SLC26A5: variants seen among roughly 807,000 people sequenced by gnomAD.
The protein encoded by SLC26A5 is prestin.
SLC26A5 carries 51 observed loss-of-function variants against 81.0 expected under a neutral mutation model. The observed-to-expected ratio is 0.63, with a 90% CI of 0.50 to 0.80. The LOEUF (loss-of-function observed/expected upper bound fraction) is 0.80. Among genes scored for constraint, SLC26A5 ranks in the 30% least tolerant of loss-of-function variants. SLC26A5 has a pLI of 0.00. For missense variants in SLC26A5, 771 were observed against 905.8 expected (o/e 0.85, Z 1.91); for synonymous variants, 325 against 332.8 (o/e 0.98, Z 0.25).
intron 8 of SLC26A5, among the ~76,000 whole-genome samples, chr7:103,407,318 TAAG>T (rs1824135210): frequency 6.6e-6 from 1 of 152,102 alleles, no homozygotes; most frequent in Non-Finnish European, 1.5e-5. Context: ...TGTGGTTACT[TAAG>T]AACATAATAA....
chr7:103,407,191 G>A (rs995065584), intron 8 of SLC26A5, among the ~76,000 whole-genome samples: 2 of 152,148 alleles, frequency 1.3e-5, no homozygotes, highest in African/African-American at 4.8e-5. Context: ...TGAAAAAGCA[G>A]GAACCACATA....
At chr7:103,417,234 G>A (rs1205090476) in intron 4 of SLC26A5, among the ~76,000 whole-genome samples, 1 of 151,914 alleles carries the variant, frequency 6.6e-6, no homozygotes, top group Non-Finnish European at 1.5e-5. Flanking sequence ...GCTGGGCGTG[G>A]TGGCACGCAC....
chr7:103,445,103 A>AT (rs1184748449), intron 1 of SLC26A5: 4 of 152,138 alleles, frequency 2.6e-5, no homozygotes, highest in African/African-American at 9.7e-5. Flanking sequence ...AAAAGTTGAT[A>AT]TTTTTTGTTG....
intron 9 of SLC26A5, among the ~76,000 whole-genome samples, chr7:103,395,930 A>G (rs913053544): frequency 6.6e-6 from 1 of 152,222 alleles, no homozygotes; most frequent in Non-Finnish European, 1.5e-5. Context: ...ATTACTAATA[A>G]GTAGTTAACA....
chr7:103,399,352 A>C (rs1823394707), intron 8 of SLC26A5, among the ~76,000 whole-genome samples: 2 of 152,112 alleles, frequency 1.3e-5, no homozygotes, highest in South Asian at 4.1e-4. Context: ...CAAAATGGGA[A>C]CTCTGTGCCT....
intron 9 of SLC26A5, among the ~76,000 whole-genome samples, chr7:103,397,717 A>T (rs1227057926): frequency 2.9e-4 from 6 of 20,622 alleles, no homozygotes; most frequent in Non-Finnish European, 8.1e-4. Context: ...ACTTCGTCTC[A>T]AAAAAAAAAA....
intron 2 of SLC26A5, among the ~76,000 whole-genome samples, chr7:103,425,163 C>T (rs1258801329): frequency 6.6e-6 from 1 of 152,160 alleles, no homozygotes; most frequent in East Asian, 1.9e-4. Context: ...CTTATTTCTC[C>T]TTCTCCCAGA....
chr7:103,428,779 G>T (rs1411504616), intron 2 of SLC26A5, among the ~76,000 whole-genome samples: 1 of 152,084 alleles, frequency 6.6e-6, no homozygotes, highest in Non-Finnish European at 1.5e-5. Context: ...TGTTGGCAAG[G>T]CTGGTCTTGA....
chr7:103,442,298 T>C (rs764452879), intron 2 of SLC26A5, among the ~76,000 whole-genome samples: 20 of 152,118 alleles, frequency 1.3e-4, no homozygotes, highest in Non-Finnish European at 2.4e-4. Context: ...CCACCACGCC[T>C]GGCTAATTTT....
At chr7:103,382,235 G>T (rs935443994) in intron 14 of SLC26A5, among the ~76,000 whole-genome samples, 2 of 152,078 alleles carry the variant, frequency 1.3e-5, no homozygotes, top group African/African-American at 2.4e-5. Flanking sequence ...CATAGTAGGG[G>T]AGTAGTCAAT....
At chr7:103,437,702 C>T (rs536192722) in intron 2 of SLC26A5, among the ~76,000 whole-genome samples, 1 of 152,104 alleles carries the variant, frequency 6.6e-6, no homozygotes, top group Non-Finnish European at 1.5e-5. Flanking sequence ...AATACCACAT[C>T]ATCTCACTTA....
intron 14 of SLC26A5, among the ~76,000 whole-genome samples, chr7:103,381,676 C>T (rs965054407): frequency 1.3e-5 from 2 of 150,974 alleles, no homozygotes; most frequent in Admixed American, 1.3e-4. Context: ...ACATAATACA[C>T]ATACGTGCAG....
chr7:103,421,686 G>C (rs1233185062), intron 2 of SLC26A5, 119 bp from the exon 3 acceptor site: 1 of 677,746 alleles, frequency 1.5e-6, no homozygotes, highest in African/African-American at 1.8e-5. Flanking sequence ...ACGCCCCAGA[G>C]GACCTAATGT....
intron 8 of SLC26A5, among the ~76,000 whole-genome samples, chr7:103,400,418 GT>G (rs1231661669): frequency 3.9e-5 from 6 of 152,210 alleles, no homozygotes; most frequent in African/African-American, 1.4e-4. Flanking sequence ...TCATAGGGTT[GT>G]TTTTTTCTTG....
In SLC26A5 at chr7:103,393,003, G is replaced by A. The variant is rs372971395; in HGVS notation, c.1035C>T (p.Ala345=). Residue 345 remains alanine (A), a synonymous_variant, in exon 10 of 20, where the codon GCC becomes GCT. Transcript: ENST00000306312. ...LFHLVYVDAI[A]IAIVGFSVTI... The stretch of plus-strand genomic sequence containing the variant: ...TCACTGAAAATCCAACGATGGCTAT[G>A]GCAATGGCATCTACGTACACAAGGT... The A allele has an allele frequency of 1.8e-5, 29 of 1,613,906 alleles. No individual in the cohort carries two copies. The highest frequency in any genetic ancestry group is 2.7e-5 in the African/African-American group (2 of 74,922).
At position 103,376,973 on chromosome 7, in the gene SLC26A5, C is replaced by T. The variant is rs1217974891; in HGVS notation, c.1987-111G>A. 3.3e-5 allele frequency: 24 copies of T among 730,784 alleles called. No individual in the cohort carries two copies. In the East Asian group the frequency reaches 5.7e-4, roughly 17 times the overall value. The allele number at this position is 730,784 out of a possible 1,614,324, so 45.3% of individuals were successfully genotyped here. On this transcript the variant is annotated intron_variant, in intron 18 of 19. Transcript: ENST00000306312. ...AGACACTCTAATTCATTCACTTGAG[C>T]TACTTTGCTTCAATAATGATGTATT...
At chr7:103,370,582 A>G (rs547655726), downstream of SLC26A5, among the ~76,000 whole-genome samples, 4 of 152,316 alleles carry the variant, frequency 2.6e-5, no homozygotes, top group African/African-American at 9.6e-5. Context: ...GATGTTTTAG[A>G]TGTTTCCTGC....
At position 103,389,393 on chromosome 7, in the gene SLC26A5, A is replaced by G. The variant is rs1460546623; in HGVS notation, c.1343T>C (p.Leu448Pro). 1.2e-6 allele frequency: 2 copies of G among 1,613,962 alleles called. No individual in the cohort carries two copies. Among genetic ancestry groups the G allele is most frequent in the Non-Finnish European group, 1.7e-6 (2 of 1,179,990 alleles). The part of the protein sequence containing the change: ...AVLSAIVIVN[L>P]KGMFMQFSDL... ...TGAGAACTGCATAAACATTCCCTTCAGGTTGACAATCACAATGGCCGACAG... is the reference window on the plus strand; with the variant it reads ...TGAGAACTGCATAAACATTCCCTTCGGGTTGACAATCACAATGGCCGACAG... The change falls in exon 13 of 20, where the codon CTG (leucine) becomes CCG (proline). Residue 448 changes from leucine (L) to proline (P), a missense_variant. Leu to Pro is a moderately conservative substitution (Grantham distance 98, BLOSUM62 -3). Coordinates refer to ENST00000306312, the MANE Select transcript of SLC26A5 (RefSeq NM_198999.3).
At chr7:103,373,413 C>A (rs763047553), downstream of SLC26A5, among the ~76,000 whole-genome samples, 23 of 152,148 alleles carry the variant, frequency 1.5e-4, no homozygotes, top group African/African-American at 5.1e-4. Flanking sequence ...TTAGATATAA[C>A]TTCCAGATTG....
Sources: gnomAD v4.1 joint callset for allele counts (sites outside exome capture counted in the v4.1 genomes callset) on GRCh38, gnomAD v4.1.1 for gene constraint, MANE v1.5 for transcripts, NCBI Gene and HGNC (gene_info 2026-07-23, HGNC 2026-07-21) for gene names.